Variants in TENM2 observed in about 807,000 individuals in gnomAD.
TENM2 encodes the protein teneurin-2.
In TENM2, 52 loss-of-function variants were observed where a neutral mutation model predicts 245.2. The ratio of observed to expected loss-of-function variants is 0.21; its 90% CI spans 0.17 to 0.27. The LOEUF is 0.27. Ranked by LOEUF, TENM2 falls within the 10% of genes least tolerant of loss-of-function variation. The pLI is 1.00. For missense variants in TENM2, 3,046 were observed against 3,666.8 expected, an observed-to-expected ratio of 0.83 and a Z score of 4.37; for synonymous variants, 1,363 against 1,438.9, an observed-to-expected ratio of 0.95 and a Z score of 1.19.
intron 25 of TENM2, among the ~76,000 whole-genome samples, chr5:168,231,600 A>G (rs1170060858): frequency 6.6e-6 from 1 of 152,176 alleles, no homozygotes; most frequent in East Asian, 1.9e-4. Context: ...GATGTGTGGC[A>G]TTAGAAAGCT....
chr5:167,682,963 G>C (rs559865858), intron 2 of TENM2, among the ~76,000 whole-genome samples: 1 of 152,290 alleles, frequency 6.6e-6, no homozygotes, highest in South Asian at 2.1e-4. Context: ...AGGAAACACA[G>C]TAATGACACC....
the TENM2 span, among the ~76,000 whole-genome samples, chr5:167,059,206 A>C: frequency 6.6e-6 from 1 of 152,232 alleles, no homozygotes; most frequent in Non-Finnish European, 1.5e-5. Flanking sequence ...ACCTTAATGC[A>C]CAAAACTCAC....
intron 16 of TENM2, 102 bp downstream of exon 18, chr5:168,199,216 G>A (rs1045707991): frequency 1.3e-5 from 16 of 1,275,322 alleles, no homozygotes; most frequent in Non-Finnish European, 1.7e-5. Context: ...TATTGTAGGG[G>A]AGTAAAAAAA....
rs1274956500 is a variant in TENM2, at chr5:168,244,313, T to C, written c.5521-107T>C. On this transcript the variant is annotated intron_variant, in intron 25 of 28. Coordinates refer to ENST00000518659, the Ensembl canonical transcript of TENM2. This position sits in a 1 kb window ranked among gnomAD's most constrained non-coding sequence, Gnocchi z 4.9. ...CTCTAACTTTGGGGTTATTTCTTCC[T>C]CCAGTGAACACTTAAGCCCTGGCCA... The C allele has an allele frequency of 1.1e-6, 1 of 877,548 alleles. No individual in the cohort carries two copies. The highest frequency in any genetic ancestry group is 1.6e-6 in the Non-Finnish European group (1 of 620,334). The allele number at this position is 877,548 out of a possible 1,614,324, so 54.4% of individuals were successfully genotyped here. A position where few individuals can be genotyped will look rare whatever the true frequency, so the allele number is the denominator to read the frequency against.
chr5:168,068,828 C>T (rs1790730255), intron 7 of TENM2, among the ~76,000 whole-genome samples: 1 of 124,070 alleles, frequency 8.1e-6, no homozygotes, highest in Admixed American at 8.7e-5. Flanking sequence ...CTCTTAATTT[C>T]TGTAATCTCT....
Position 167,355,971 on chromosome 5 carries a change from T to G in TENM2, c.227-19227T>G, listed in dbSNP as rs756789131. Among the ~76,000 whole-genome samples, 271 of 149,366 alleles carry G rather than the reference T, an allele frequency of 1.8e-3. 2 individuals carry two copies. The highest frequency in any genetic ancestry group is 0.01 in the Middle Eastern group (3 of 286). ...GCCGAGGCGGGCAGATCACCTGAGG[T>G]CAGGAGTTCAAGACCACCCTGGCCA... On this transcript the variant is annotated intron_variant, in intron 1 of 28. Transcript: ENST00000518659.
intron 2 of TENM2, among the ~76,000 whole-genome samples, chr5:167,491,902 C>T (rs764359181): frequency 6.6e-6 from 1 of 152,002 alleles, no homozygotes; most frequent in Non-Finnish European, 1.5e-5. Context: ...ACATAATAGC[C>T]ATGGCAATAT....
intron 5 of TENM2, among the ~76,000 whole-genome samples, chr5:168,041,443 T>A (rs1788176719): frequency 6.7e-6 from 1 of 150,120 alleles, no homozygotes; most frequent in Non-Finnish European, 1.5e-5. Flanking sequence ...CCACTCCTCC[T>A]TCTCACTAAC....
chr5:167,416,708 G>GTTTTGT (rs1561937508), intron 2 of TENM2, among the ~76,000 whole-genome samples: 6 of 104,506 alleles, frequency 5.7e-5, no homozygotes, highest in East Asian at 2.8e-4. Context: ...TTTTTGTTTT[G>GTTTTGT]TTTTTTCATT....
chr5:167,509,969 A>G (rs1250165646), intron 2 of TENM2, among the ~76,000 whole-genome samples: 1 of 152,192 alleles, frequency 6.6e-6, no homozygotes, highest in Non-Finnish European at 1.5e-5. Flanking sequence ...AGGATAACTA[A>G]AGAATGATAT....
intron 4 of TENM2, among the ~76,000 whole-genome samples, chr5:167,989,322 C>A (rs995241575): frequency 6.6e-6 from 1 of 150,592 alleles, no homozygotes; most frequent in African/African-American, 2.5e-5. Context: ...TGTGAGTGCA[C>A]AAAATGAAGG....
chr5:167,569,648 A>G (rs1409449234), intron 2 of TENM2, among the ~76,000 whole-genome samples: 1 of 152,222 alleles, frequency 6.6e-6, no homozygotes, highest in South Asian at 2.1e-4. Flanking sequence ...AGTTGTTGCA[A>G]GGTTAGAAAT....
At chr5:167,329,463 A>G (rs2127787372) in intron 1 of TENM2, among the ~76,000 whole-genome samples, 1 of 144,838 alleles carries the variant, frequency 6.9e-6, no homozygotes, top group Non-Finnish European at 1.5e-5. Context: ...GAGGCAGGAG[A>G]ATGGTATGAA....
intron 2 of TENM2, among the ~76,000 whole-genome samples, chr5:167,609,498 A>C (rs1244490383): frequency 7.0e-6 from 1 of 142,228 alleles, no homozygotes. Flanking sequence ...CAAAAAAAAA[A>C]AAAAAAAAAA....
chr5:167,304,789 T>C (rs983007293), intron 1 of TENM2, among the ~76,000 whole-genome samples: 6 of 151,956 alleles, frequency 3.9e-5, no homozygotes, highest in African/African-American at 1.5e-4. Flanking sequence ...TACATGGGAG[T>C]TTTCTAAACA....
chr5:167,462,203 C>T (rs1055869924), intron 2 of TENM2, among the ~76,000 whole-genome samples: 7 of 116,170 alleles, frequency 6.0e-5, no homozygotes, highest in South Asian at 3.4e-4. Context: ...CATTGCAGGA[C>T]ATGCAACAGG....
intron 2 of TENM2, among the ~76,000 whole-genome samples, chr5:167,573,422 A>G (rs1387046060): frequency 6.6e-6 from 1 of 151,990 alleles, no homozygotes; most frequent in Non-Finnish European, 1.5e-5. Context: ...ATAAAAACAG[A>G]AGCTGCCAGA....
intron 2 of TENM2, among the ~76,000 whole-genome samples, chr5:167,615,343 T>G (rs1777726384): frequency 6.6e-6 from 1 of 152,132 alleles, no homozygotes; most frequent in Admixed American, 6.6e-5. Context: ...TGTTGATGTC[T>G]TTTAGAATGC....
chr5:167,086,918 AACACACACACGCAC>A, the TENM2 span, among the ~76,000 whole-genome samples: 203 of 110,026 alleles, frequency 1.8e-3, no homozygotes, highest in African/African-American at 4.0e-3. Flanking sequence ...AGGAAACTCT[AACACACACACGCAC>A]ACACACACAC....
Sources: gnomAD v4.1 joint callset for allele counts (sites outside exome capture counted in the v4.1 genomes callset) on GRCh38, gnomAD v4.1.1 for gene constraint, Gnocchi (gnomAD v3.1) non-coding constraint, MANE v1.5 for transcripts, NCBI Gene and HGNC (gene_info 2026-07-23, HGNC 2026-07-21) for gene names.